Variants in KLHL32 observed in about 807,000 individuals in gnomAD.
KLHL32 encodes the protein kelch like family member 32.
In KLHL32, 35 loss-of-function variants were observed where a neutral mutation model predicts 64.8. That is an observed-to-expected ratio of 0.54 (90% confidence interval 0.41 to 0.72). KLHL32 has a LOEUF of 0.72. KLHL32 is among the 30% of genes least tolerant of loss of function. The pLI is 0.00. For synonymous variants in KLHL32, 259 were observed against 281.0 expected, an observed-to-expected ratio of 0.92 and a Z score of 0.78; for missense variants, 589 against 768.5, an observed-to-expected ratio of 0.77 and a Z score of 2.76.
At chr6:97,051,604 T>G (rs1358088113) in intron 4 of KLHL32, among the ~76,000 whole-genome samples, 1 of 152,180 alleles carries the variant, frequency 6.6e-6, no homozygotes, top group Non-Finnish European at 1.5e-5. Flanking sequence ...CCATGGTGGG[T>G]AAACAGCACA....
chr6:96,953,131 G>A (rs1324056829), intron 1 of KLHL32, among the ~76,000 whole-genome samples: 1 of 152,196 alleles, frequency 6.6e-6, no homozygotes, highest in African/African-American at 2.4e-5. Flanking sequence ...CTGTCTTGGT[G>A]AATTAGTTTT....
intron 3 of KLHL32, 88 bp from the exon 4 acceptor site, chr6:97,041,404 T>G: frequency 1.3e-6 from 1 of 782,396 alleles, no homozygotes; most frequent in East Asian, 2.5e-5. Flanking sequence ...TTTGTAAAAC[T>G]TTTTTTTCCC....
chr6:97,075,546 A>G (rs746151106), intron 5 of KLHL32, among the ~76,000 whole-genome samples: 29 of 152,210 alleles, frequency 1.9e-4, no homozygotes, highest in Non-Finnish European at 3.1e-4. Flanking sequence ...CACAATAAAC[A>G]TGATAACTTC....
intron 6 of KLHL32, among the ~76,000 whole-genome samples, chr6:97,086,947 TC>T (rs1793507851): frequency 6.6e-6 from 1 of 152,346 alleles, no homozygotes; most frequent in South Asian, 2.1e-4. Flanking sequence ...GGCTTCTATC[TC>T]TTTTTGTGGC....
At chr6:96,932,114 T>A (rs1769960336) in intron 1 of KLHL32, among the ~76,000 whole-genome samples, 1 of 151,968 alleles carries the variant, frequency 6.6e-6, no homozygotes, top group Non-Finnish European at 1.5e-5. Flanking sequence ...TAGGCAGTGG[T>A]GTAGATGTAA....
intron 4 of KLHL32, among the ~76,000 whole-genome samples, chr6:97,064,402 G>T (rs1789387340): frequency 6.6e-6 from 1 of 152,102 alleles, no homozygotes. Context: ...CACACAAATG[G>T]TATCAGCACA....
upstream of KLHL32, among the ~76,000 whole-genome samples, chr6:96,920,145 T>G (rs1367686016): frequency 6.6e-6 from 1 of 152,098 alleles, no homozygotes; most frequent in Non-Finnish European, 1.5e-5. Context: ...GATGGGAAGA[T>G]CATGACTACT....
At chr6:96,940,652 T>A (rs1314823094) in intron 1 of KLHL32, among the ~76,000 whole-genome samples, 1 of 152,196 alleles carries the variant, frequency 6.6e-6, no homozygotes, top group African/African-American at 2.4e-5. Flanking sequence ...AAGGCAGAGC[T>A]TCCCAACTGG....
intron 2 of KLHL32, 63 bp downstream of exon 2, chr6:96,967,146 T>C: frequency 6.8e-7 from 1 of 1,468,314 alleles, no homozygotes; most frequent in Admixed American, 1.7e-5. Flanking sequence ...GCATTGCACG[T>C]TCTAGGATCA....
chr6:96,986,405 A>C (rs889480380), intron 3 of KLHL32, among the ~76,000 whole-genome samples: 2 of 152,194 alleles, frequency 1.3e-5, no homozygotes, highest in African/African-American at 2.4e-5. Context: ...AGGCTGTCAG[A>C]CAGGGACATT....
At chr6:96,935,272 T>G (rs763804296) in intron 1 of KLHL32, among the ~76,000 whole-genome samples, 14 of 152,222 alleles carry the variant, frequency 9.2e-5, no homozygotes, top group Non-Finnish European at 1.9e-4. Context: ...GATGTTGAGT[T>G]AGGTACAAAC....
At chr6:96,926,291 G>A (rs1235094695) in intron 1 of KLHL32, among the ~76,000 whole-genome samples, 1 of 152,184 alleles carries the variant, frequency 6.6e-6, no homozygotes. Context: ...TTTAAACTCT[G>A]TCATAGAGAG....
intron 3 of KLHL32, among the ~76,000 whole-genome samples, chr6:97,024,741 A>G (rs1782484323): frequency 6.6e-6 from 1 of 152,084 alleles, no homozygotes; most frequent in South Asian, 2.1e-4. Context: ...TTTTATTTAA[A>G]CTGATTCACA....
At chr6:96,962,957 TC>T (rs1477688292) in intron 1 of KLHL32, among the ~76,000 whole-genome samples, 2 of 152,158 alleles carry the variant, frequency 1.3e-5, no homozygotes, top group Non-Finnish European at 2.9e-5. Flanking sequence ...CTTTTGGGGG[TC>T]ATTACTCACT....
At chr6:97,033,540 C>A (rs1159754973) in intron 3 of KLHL32, among the ~76,000 whole-genome samples, 1 of 152,018 alleles carries the variant, frequency 6.6e-6, no homozygotes, top group African/African-American at 2.4e-5. Flanking sequence ...TGCATACATA[C>A]CCAGAAGTGA....
At chr6:97,014,379 T>C (rs1165356059) in intron 3 of KLHL32, among the ~76,000 whole-genome samples, 4 of 150,568 alleles carry the variant, frequency 2.7e-5, no homozygotes, top group African/African-American at 1.0e-4. Flanking sequence ...TTTTATAGTA[T>C]ATATAACAAA....
chr6:97,037,379 G>C (rs910334940), intron 3 of KLHL32, among the ~76,000 whole-genome samples: 1 of 149,882 alleles, frequency 6.7e-6, no homozygotes, highest in Non-Finnish European at 1.5e-5. Context: ...AATTTAAAAT[G>C]TATAGACTTG....
At chr6:96,961,049 C>T (rs1452442988) in intron 1 of KLHL32, among the ~76,000 whole-genome samples, 1 of 152,156 alleles carries the variant, frequency 6.6e-6, no homozygotes, top group African/African-American at 2.4e-5. Flanking sequence ...GAAGGGGATT[C>T]TCTTCAGAAT....
chr6:97,002,640 A>C (rs1187991770), intron 3 of KLHL32, among the ~76,000 whole-genome samples: 1 of 152,052 alleles, frequency 6.6e-6, no homozygotes, highest in African/African-American at 2.4e-5. Flanking sequence ...TCCACTCTCA[A>C]GTAGGCCCCA....
Sources: gnomAD v4.1 joint callset for allele counts (sites outside exome capture counted in the v4.1 genomes callset) on GRCh38, gnomAD v4.1.1 for gene constraint, MANE v1.5 for transcripts, NCBI Gene and HGNC (gene_info 2026-07-23, HGNC 2026-07-21) for gene names.